MOB3B: variants seen among roughly 807,000 people sequenced by gnomAD.
MOB3B encodes the protein MOB kinase activator-like 2B.
A neutral mutation model predicts 18.7 loss-of-function variants in MOB3B; 7 were observed. That is an observed-to-expected ratio of 0.37 (90% CI 0.21 to 0.70). The LOEUF is 0.70. Among genes scored for constraint, MOB3B ranks in the 30% least tolerant of loss-of-function variants. The pLI is 0.52. For synonymous variants in MOB3B, 111 were observed against 99.9 expected, an observed-to-expected ratio of 1.11 and a Z score of -0.66; for missense variants, 253 against 281.3, an observed-to-expected ratio of 0.90 and a Z score of 0.72.
chr9:27,498,619 CT>C (rs1422825766), intron 1 of MOB3B, among the ~76,000 whole-genome samples: 3 of 152,170 alleles, frequency 2.0e-5, no homozygotes, highest in Non-Finnish European at 4.4e-5. Context: ...GATGCTTAAA[CT>C]GTTTATTCTC....
intron 2 of MOB3B, chr9:27,378,814 A>G (rs889748853): frequency 1.0e-5 from 4 of 383,054 alleles, no homozygotes; most frequent in South Asian, 4.1e-5. Flanking sequence ...GGGCTCAAAT[A>G]TTTGAAAGAA....
intron 2 of MOB3B, among the ~76,000 whole-genome samples, chr9:27,365,083 T>A (rs1237381574): frequency 6.8e-6 from 1 of 147,752 alleles, no homozygotes; most frequent in Non-Finnish European, 1.5e-5. Flanking sequence ...GAATACTTCA[T>A]CGATCAAAAT....
chr9:27,448,993 A>G (rs1822741823), intron 2 of MOB3B, among the ~76,000 whole-genome samples: 1 of 152,170 alleles, frequency 6.6e-6, no homozygotes, highest in Non-Finnish European at 1.5e-5. Flanking sequence ...CTGCTAACCC[A>G]TTCCTACCCT....
intron 3 of MOB3B, among the ~76,000 whole-genome samples, chr9:27,355,166 G>A (rs10122423): frequency 0.023 from 3,517 of 152,214 alleles, 136 homozygotes; most frequent in African/African-American, 0.08. Context: ...TGGATCCTCA[G>A]CACAACCTGT....
At chr9:27,338,185 A>G (rs1449865152) in intron 3 of MOB3B, among the ~76,000 whole-genome samples, 1 of 151,956 alleles carries the variant, frequency 6.6e-6, no homozygotes, top group Non-Finnish European at 1.5e-5. Flanking sequence ...GTGGCCTTGC[A>G]TACACCTTGC....
At chr9:27,448,171 G>C (rs1308559514) in intron 2 of MOB3B, among the ~76,000 whole-genome samples, 1 of 152,158 alleles carries the variant, frequency 6.6e-6, no homozygotes, top group Non-Finnish European at 1.5e-5. Flanking sequence ...TTGGAGTTGA[G>C]ACACCTTGGG....
At chr9:27,393,693 T>C (rs1035103388) in intron 2 of MOB3B, among the ~76,000 whole-genome samples, 1 of 152,134 alleles carries the variant, frequency 6.6e-6, no homozygotes, top group East Asian at 1.9e-4. Context: ...TGTACAGACT[T>C]GGCCACATTT....
intron 1 of MOB3B, among the ~76,000 whole-genome samples, chr9:27,490,976 A>T (rs942294867): frequency 7.3e-5 from 2 of 27,534 alleles, no homozygotes; most frequent in Non-Finnish European, 4.4e-4. Context: ...CACATCATAC[A>T]GCCTTTTTTT....
At chr9:27,507,569 AG>A (rs999518808) in intron 1 of MOB3B, among the ~76,000 whole-genome samples, 1 of 152,174 alleles carries the variant, frequency 6.6e-6, no homozygotes, top group African/African-American at 2.4e-5. Context: ...TGGTTATTTC[AG>A]GATGCAACTA....
At chr9:27,524,652 T>C in intron 1 of MOB3B, 1 of 1,613,992 alleles carries the variant, frequency 6.2e-7, no homozygotes, top group Non-Finnish European at 8.5e-7. Context: ...CTTCAAATAT[T>C]GGAAAGAGAG....
At chr9:27,442,102 T>G (rs568383498) in intron 2 of MOB3B, among the ~76,000 whole-genome samples, 2 of 152,356 alleles carry the variant, frequency 1.3e-5, no homozygotes, top group South Asian at 4.1e-4. Flanking sequence ...ATAAAAAAAG[T>G]TATTTTGTTA....
Position 27,487,513 on chromosome 9 carries a change from C to T in MOB3B, c.-198-31765G>A, listed in dbSNP as rs2131483739. Among the ~76,000 whole-genome samples, 2 of 152,220 alleles carry T rather than the reference C, an allele frequency of 1.3e-5. 1 individual carries two copies. The highest frequency in any genetic ancestry group is 4.2e-4 in the South Asian group (2 of 4,818). On this transcript the variant is annotated intron_variant, in intron 1 of 3. Transcript: ENST00000262244. ...ACAGTATCCACCTAGGCCCACATCC[C>T]CATCACCTCCATGAGACCTGGGGGG...
chr9:27,442,102 T>C (rs568383498), intron 2 of MOB3B, among the ~76,000 whole-genome samples: 5 of 152,238 alleles, frequency 3.3e-5, no homozygotes, highest in African/African-American at 1.2e-4. Context: ...ATAAAAAAAG[T>C]TATTTTGTTA....
At chr9:27,451,187 T>G (rs1227464414) in intron 2 of MOB3B, among the ~76,000 whole-genome samples, 4 of 152,228 alleles carry the variant, frequency 2.6e-5, no homozygotes, top group Non-Finnish European at 5.9e-5. Context: ...ATTACTGTAA[T>G]TAGTCAGGCA....
At chr9:27,500,732 A>G (rs1335065726) in intron 1 of MOB3B, among the ~76,000 whole-genome samples, 1 of 152,094 alleles carries the variant, frequency 6.6e-6, no homozygotes, top group Non-Finnish European at 1.5e-5. Flanking sequence ...GGCAACAAAA[A>G]CCAAAACTGT....
chr9:27,526,846 G>C (rs961660169), intron 1 of MOB3B, among the ~76,000 whole-genome samples: 2 of 152,148 alleles, frequency 1.3e-5, no homozygotes, highest in African/African-American at 4.8e-5. Flanking sequence ...TGACAGAAAA[G>C]AAAAAGAATG....
At chr9:27,357,886 T>TCCAAAAAAAAA (rs1563849115) in intron 3 of MOB3B, among the ~76,000 whole-genome samples, 1 of 25,292 alleles carries the variant, frequency 4.0e-5, no homozygotes, top group African/African-American at 1.5e-4. Flanking sequence ...ATCCCATCGC[T>TCCAAAAAAAAA]ACAAAAAAAA....
intron 1 of MOB3B, among the ~76,000 whole-genome samples, chr9:27,521,358 TAGCCAAATGTGC>T (rs1470250218): frequency 6.6e-6 from 1 of 152,144 alleles, no homozygotes; most frequent in Non-Finnish European, 1.5e-5. Context: ...CGAATGACAA[TAGCCAAATGTGC>T]AGCCATCTCC....
chr9:27,482,682 T>C (rs1266056642), intron 1 of MOB3B, among the ~76,000 whole-genome samples: 1 of 152,212 alleles, frequency 6.6e-6, no homozygotes, highest in Non-Finnish European at 1.5e-5. Flanking sequence ...TCCCCATCTG[T>C]ACTTCCCACC....
Sources: allele counts gnomAD v4.1 joint callset (sites outside exome capture counted in the v4.1 genomes callset), GRCh38; gene constraint gnomAD v4.1.1; transcripts MANE v1.5; gene names NCBI Gene and HGNC (gene_info 2026-07-23, HGNC 2026-07-21).